The following CDK13 variants were observed in gnomAD, a reference collection of about 807,000 sequenced individuals.
The protein encoded by CDK13 is cyclin dependent kinase 13, also known as cyclin-dependent kinase 13.
In CDK13, 40 loss-of-function variants were observed where a neutral mutation model predicts 137.6. That is an observed-to-expected ratio of 0.29 (90% CI 0.23 to 0.38). CDK13 has a LOEUF of 0.38. Ranked by LOEUF, CDK13 falls within the 10% of genes least tolerant of loss-of-function variation. The pLI is 1.00. For synonymous variants in CDK13, 869 were observed against 760.1 expected, an observed-to-expected ratio of 1.14 and a Z score of -2.36; for missense variants, 1,704 against 1,951.8, an observed-to-expected ratio of 0.87 and a Z score of 2.39.
intron 1 of CDK13, among the ~76,000 whole-genome samples, chr7:39,956,786 C>A (rs536083467): frequency 4.6e-5 from 7 of 152,048 alleles, no homozygotes; most frequent in African/African-American, 1.7e-4. Flanking sequence ...TGGGTTTTAC[C>A]ATGTTGCTCT....
At position 39,950,576 on chromosome 7, in the gene CDK13, A is replaced by G. The variant is rs2116044266; in HGVS notation, c.-66A>G. 7.9e-7 allele frequency: 1 copy of G among 1,263,554 alleles called. No individual in the cohort carries two copies. Among genetic ancestry groups the G allele is most frequent in the South Asian group, 2.8e-5 (1 of 35,954 alleles). 78.3% of individuals were successfully genotyped at this position (1,263,554 alleles called of 1,614,324 possible). A position where few individuals can be genotyped will look rare whatever the true frequency, so the allele number is the denominator to read the frequency against. On this transcript the variant is annotated 5_prime_UTR_variant, in exon 1 of 14. Coordinates refer to ENST00000181839, the MANE Select transcript of CDK13 (RefSeq NM_003718.5). ...CCGCCGCTCCCGTTTCCGGCGGGGG[A>G]GATGGCCAGGATCTGACCCGGGAGG...
chr7:39,975,042 G>A (rs1784077552), intron 1 of CDK13, among the ~76,000 whole-genome samples: 1 of 151,906 alleles, frequency 6.6e-6, no homozygotes, highest in African/African-American at 2.4e-5. Flanking sequence ...TAAAAATAAT[G>A]ACTTTGATTC....
At chr7:40,024,589 T>A (rs1785200825) in intron 5 of CDK13, among the ~76,000 whole-genome samples, 1 of 151,824 alleles carries the variant, frequency 6.6e-6, no homozygotes, top group Non-Finnish European at 1.5e-5. Flanking sequence ...CTTCATAGTC[T>A]TTCTTAGTGG....
rs572321326 is a variant in CDK13 at position 40,053,330 on chromosome 7, A to G, written c.2600+5453A>G. The stretch of plus-strand genomic sequence containing the variant: ...TATTTCATTCCCCAGAAAAATGTCT[A>G]CTCCTTTTCCTTTATTTCCCGTTTT... On this transcript the variant is annotated intron_variant, in intron 7 of 13. Transcript: ENST00000181839. Among the ~76,000 whole-genome samples, 19 of 152,100 alleles carry G rather than the reference A, an allele frequency of 1.2e-4. No individual in the cohort carries two copies. In the South Asian group the frequency reaches 3.9e-3, roughly 32 times the overall value.
At chr7:39,992,096 CACACACACGCACACACACACACAA>C (rs1176213795) in intron 2 of CDK13, among the ~76,000 whole-genome samples, 1 of 118,418 alleles carries the variant, frequency 8.4e-6, no homozygotes, top group Non-Finnish European at 1.5e-5. Context: ...CACACACACA[CACACACACGCACACACACACACAA>C]GCACACACGC....
At chr7:40,072,803 T>G (rs1786452094) in intron 9 of CDK13, 1 of 152,238 alleles carries the variant, frequency 6.6e-6, no homozygotes, top group South Asian at 2.1e-4. Flanking sequence ...TTGGATGGTA[T>G]TCTTCCTTTG....
intron 1 of CDK13, among the ~76,000 whole-genome samples, chr7:39,972,665 T>G (rs1389854406): frequency 1.3e-5 from 2 of 152,240 alleles, no homozygotes; most frequent in African/African-American, 4.8e-5. Context: ...ATTCCTTTTA[T>G]TGGCCAAATA....
intron 11 of CDK13, among the ~76,000 whole-genome samples, chr7:40,087,349 C>G (rs1449762785): frequency 6.6e-6 from 1 of 151,860 alleles, no homozygotes; most frequent in Non-Finnish European, 1.5e-5. Context: ...TGCCATGTTG[C>G]CCAGGCTGGT....
At chr7:40,008,780 A>G (rs1246180200) in intron 5 of CDK13, among the ~76,000 whole-genome samples, 2 of 152,216 alleles carry the variant, frequency 1.3e-5, no homozygotes, top group Non-Finnish European at 2.9e-5. Flanking sequence ...ATGTTAAGGC[A>G]GGGTTGAAAG....
chr7:39,976,323 T>TCTCTCTCTCTCTCTCTCTCTCTCCCA, intron 1 of CDK13, among the ~76,000 whole-genome samples: 2 of 39,548 alleles, frequency 5.1e-5, no homozygotes, highest in Non-Finnish European at 1.2e-4. Flanking sequence ...TCTCTCTCTC[T>TCTCTCTCTCTCTCTCTCTCTCTCCCA]CACACACACA....
At chr7:40,049,581 AT>A (rs1042790505) in intron 7 of CDK13, among the ~76,000 whole-genome samples, 33 of 151,944 alleles carry the variant, frequency 2.2e-4, no homozygotes, top group African/African-American at 7.5e-4. Flanking sequence ...ATTACCCCAC[AT>A]TTTTTTTGTG....
chr7:40,010,938 A>C (rs1393947576), intron 5 of CDK13, among the ~76,000 whole-genome samples: 2 of 152,224 alleles, frequency 1.3e-5, no homozygotes, highest in Non-Finnish European at 2.9e-5. Flanking sequence ...ATCTAGAAAT[A>C]AATTGATAAA....
chr7:40,012,911 CAAAAAAA>C (rs61228761), intron 5 of CDK13, among the ~76,000 whole-genome samples: 48 of 120,620 alleles, frequency 4.0e-4, no homozygotes, highest in Admixed American at 2.5e-3. Flanking sequence ...GACTCTGTGT[CAAAAAAA>C]AAAAAAAAAA....
chr7:40,070,629 T>G (rs1786399102), intron 9 of CDK13: 1 of 138,400 alleles, frequency 7.2e-6, no homozygotes, highest in Admixed American at 6.7e-5. Context: ...GGAGAATCGC[T>G]TGAACCTGGA....
At chr7:40,011,708 T>C (rs963573664) in intron 5 of CDK13, among the ~76,000 whole-genome samples, 6 of 151,818 alleles carry the variant, frequency 4.0e-5, no homozygotes, top group African/African-American at 1.4e-4. Context: ...AGTAAGACTT[T>C]ATGATCTTGG....
intron 2 of CDK13, among the ~76,000 whole-genome samples, chr7:39,991,129 A>T (rs1346889195): frequency 6.6e-6 from 1 of 152,152 alleles, no homozygotes; most frequent in Non-Finnish European, 1.5e-5. Flanking sequence ...ATGTATCTGA[A>T]AGTAATGCTC....
chr7:40,053,705 T>G (rs758593328), intron 7 of CDK13, among the ~76,000 whole-genome samples: 1 of 152,102 alleles, frequency 6.6e-6, no homozygotes, highest in Non-Finnish European at 1.5e-5. Context: ...ATATTATTCA[T>G]TCTATGTATT....
chr7:40,089,719 AGAGAGTGTGTGTGTGTGTGTGT>A (rs973245192), intron 12 of CDK13, among the ~76,000 whole-genome samples: 18 of 143,286 alleles, frequency 1.3e-4, no homozygotes, highest in East Asian at 1.2e-3. Context: ...AGAGAGAGAG[AGAGAGTGTGTGTGTGTGTGTGT>A]GTGTGTGTGT....
At chr7:39,994,356 G>A (rs967841037) in intron 2 of CDK13, among the ~76,000 whole-genome samples, 3 of 152,056 alleles carry the variant, frequency 2.0e-5, no homozygotes, top group Non-Finnish European at 2.9e-5. Context: ...TACTGGTACC[G>A]TTTATTGTAT....
Sources: gnomAD v4.1 joint callset for allele counts (sites outside exome capture counted in the v4.1 genomes callset) on GRCh38, gnomAD v4.1.1 for gene constraint, MANE v1.5 for transcripts, NCBI Gene and HGNC (gene_info 2026-07-23, HGNC 2026-07-21) for gene names.